WNK2: variants seen among roughly 807,000 people sequenced by gnomAD.
WNK2 encodes WNK lysine deficient protein kinase 2, also known as serine/threonine-protein kinase WNK2.
WNK2 carries 67 observed loss-of-function variants against 192.1 expected under a neutral mutation model. The observed-to-expected ratio is 0.35, with a 90% CI of 0.29 to 0.43. WNK2 has a LOEUF of 0.43. WNK2 is among the 20% of genes least tolerant of loss of function. WNK2 has a pLI of 1.00. For missense variants in WNK2, 2,698 were observed against 3,089.7 expected (o/e 0.87, Z 3.01); for synonymous variants, 1,439 against 1,393.9 (o/e 1.03, Z -0.72).
Position 93,267,870 on chromosome 9 carries a change from G to C in WNK2, c.3821G>C (p.Gly1274Ala). ...GACGCCGACCGTGGCTCCGACCCAG[G>C]GACCAGCCCGCCACACCTCAGCACC... ...DTDADRGSDP[G>A]TSPPHLSTCG... The change falls in exon 17 of 30, where the codon GGG (glycine) becomes GCG (alanine). Residue 1274 changes from glycine (G) to alanine (A), a missense_variant. Gly to Ala is a moderately conservative substitution (Grantham distance 60). This residue lies in a region of WNK2 where 1,098 missense variants were observed against 1,101.0 expected (regional missense o/e 1.00). Coordinates refer to ENST00000427277, the MANE Select transcript of WNK2 (RefSeq NM_006648.4). The C allele has an allele frequency of 6.2e-7, 1 of 1,610,414 alleles. No individual in the cohort carries two copies. Among genetic ancestry groups the C allele is most frequent in the Non-Finnish European group, 8.5e-7 (1 of 1,178,714 alleles).
Position 93,292,295 on chromosome 9 carries a change from G to A in WNK2, c.4937-13G>A. On this transcript the variant is annotated splice_polypyrimidine_tract_variant and intron_variant, in intron 21 of 29. Transcript: ENST00000427277. ...CTCCTTCAGCCCCAGTAACGTTTCT[G>A]ATGTTCCCATAGCAGAGTCGTCTCC... 1 of 1,613,702 alleles carries A rather than the reference G, an allele frequency of 6.2e-7. No homozygotes were observed. Among genetic ancestry groups the A allele is most frequent in the Non-Finnish European group, 8.5e-7 (1 of 1,179,774 alleles).
At chr9:93,294,611 T>G (rs1849942671) in intron 23 of WNK2, among the ~76,000 whole-genome samples, 1 of 151,894 alleles carries the variant, frequency 6.6e-6, no homozygotes, top group South Asian at 2.1e-4. Context: ...AAGAGAAGCT[T>G]GTAGGGGGCA....
chr9:93,289,030 C>T lies in WNK2; in HGVS notation c.4276C>T (p.Leu1426=), dbSNP rs1333029755. The change falls in exon 20 of 30, where the codon CTG becomes TTG. Residue 1426 remains leucine (L), a synonymous_variant. Coordinates refer to ENST00000427277, the MANE Select transcript of WNK2 (RefSeq NM_006648.4). Reference sequence around the variant, plus strand: ...AGGGGGTCCAGGGACACCTCAGGGGCTGACCAGTGAGCTCGAGACGTCTCA... The same window carrying T: ...AGGGGGTCCAGGGACACCTCAGGGGTTGACCAGTGAGCTCGAGACGTCTCA... ...QAGGPGTPQG[L]TSELETSQPL... 1 of 1,604,534 alleles carries T rather than the reference C, an allele frequency of 6.2e-7. No individual in the cohort carries two copies. Among genetic ancestry groups the T allele is most frequent in the Admixed American group, 1.7e-5 (1 of 59,094 alleles).
chr9:93,213,845 G>A (rs1414906694), intron 2 of WNK2, among the ~76,000 whole-genome samples: 1 of 152,152 alleles, frequency 6.6e-6, no homozygotes, highest in Non-Finnish European at 1.5e-5. Context: ...ATTACAACAT[G>A]TATCCAAAGT....
chr9:93,230,440 G>C (rs1487606522), intron 3 of WNK2, among the ~76,000 whole-genome samples: 2 of 152,206 alleles, frequency 1.3e-5, no homozygotes, highest in Non-Finnish European at 2.9e-5. Flanking sequence ...CCAGGGCACA[G>C]CTCAGGGCAG....
intron 10 of WNK2, 37 bp from the exon 11 acceptor site, chr9:93,256,911 T>G (rs754753143): frequency 6.6e-7 from 1 of 1,519,404 alleles, no homozygotes; most frequent in African/African-American, 1.4e-5. Flanking sequence ...TCTGGGCAGA[T>G]TGGTGGTCTA....
chr9:93,279,321 A>G (rs1001199276), intron 19 of WNK2, among the ~76,000 whole-genome samples: 2 of 152,256 alleles, frequency 1.3e-5, no homozygotes, highest in Non-Finnish European at 2.9e-5. Flanking sequence ...AACAACAATC[A>G]AAGATTGAAA....
In WNK2 at chr9:93,317,583, A is replaced by G. The variant is rs747311181; in HGVS notation, c.6580A>G (p.Thr2194Ala). ...GCCCCCAGCGCCCGGCCCTCTGTCC[A>G]CCACGGTCATTCCCGGAGCCGCCCC... ...RLPPAPGPLS[T>A]TVIPGAAPTL... The change falls in exon 29 of 30, where the codon ACC (threonine) becomes GCC (alanine). Residue 2194 changes from threonine to alanine, a missense_variant. Physicochemically the swap from Thr to Ala is moderately conservative, Grantham distance 58. Transcript: ENST00000427277. The G allele has an allele frequency of 6.2e-7, 1 of 1,613,342 alleles. No homozygotes were observed. Among genetic ancestry groups the G allele is most frequent in the Non-Finnish European group, 8.5e-7 (1 of 1,179,872 alleles).
chr9:93,192,049 C>G, intron 2 of WNK2, among the ~76,000 whole-genome samples: 1 of 149,152 alleles, frequency 6.7e-6, no homozygotes, highest in Non-Finnish European at 1.5e-5. Flanking sequence ...GGCGTGGTGG[C>G]TCATGCCTGT....
In WNK2 at chr9:93,264,124, C is replaced by A. The variant is rs549891648; in HGVS notation, c.3696+91C>A. 51 of 1,022,246 alleles carry A rather than the reference C, an allele frequency of 5.0e-5. No homozygotes were observed. In the African/African-American group the frequency reaches 7.3e-4, roughly 15 times the overall value. 63.3% of individuals were successfully genotyped at this position (1,022,246 alleles called of 1,614,324 possible). ...GCCACAGGTCACATGTCGAGCCTGG[C>A]CTTGTGTGGAGGTGTCGGTTGGCCC... On this transcript the variant is annotated intron_variant, in intron 16 of 29. Transcript: ENST00000427277.
intron 29 of WNK2, among the ~76,000 whole-genome samples, chr9:93,320,152 AGT>A (rs1401236418): frequency 6.6e-6 from 1 of 152,232 alleles, no homozygotes; most frequent in Admixed American, 6.5e-5. Context: ...GCAGCCGTTC[AGT>A]GTGCTGACTG....
intron 2 of WNK2, among the ~76,000 whole-genome samples, chr9:93,207,770 G>A (rs990697453): frequency 1.3e-5 from 2 of 152,232 alleles, no homozygotes; most frequent in Non-Finnish European, 1.5e-5. Flanking sequence ...CGGCACCCAC[G>A]CCCTCTCCAG....
chr9:93,280,849 G>T (rs1158228362), intron 19 of WNK2, among the ~76,000 whole-genome samples: 3 of 152,130 alleles, frequency 2.0e-5, no homozygotes, highest in Non-Finnish European at 4.4e-5. Context: ...ACATGCTTTT[G>T]TGAAACACTT....
At chr9:93,233,701 C>CAA (rs34665591) in intron 4 of WNK2, among the ~76,000 whole-genome samples, 1,054 of 99,676 alleles carry the variant, frequency 0.011, 25 homozygotes, top group East Asian at 0.033. Context: ...GATTCCGTCT[C>CAA]AAAAAAAAAA....
chr9:93,289,095 G>T lies in WNK2; in HGVS notation c.4341G>T (p.Gln1447His). The change falls in exon 20 of 30, where the codon CAG becomes CAT. Residue 1447 changes from glutamine to histidine, a missense_variant. Physicochemically the swap from Gln to His is conservative, Grantham distance 24. Around this residue, in one of 7 missense-constraint regions of WNK2, gnomAD observed 1,098 missense variants for 1,101.0 expected, o/e 1.00. Coordinates refer to ENST00000427277, the MANE Select transcript of WNK2 (RefSeq NM_006648.4). ...CTCACGAGGCCCCGCTTGCTGTGCA[G>T]CCCCTCGTGGTGGGCCTAGCACCTT... ...AETHEAPLAV[Q>H]PLVVGLAPCT... 6.2e-7 allele frequency: 1 copy of T among 1,608,264 alleles called. No homozygotes were observed.
Position 93,239,998 on chromosome 9 carries a change from T to C in WNK2, c.1542+22T>C. 3.8e-6 allele frequency: 6 copies of C among 1,598,730 alleles called. No individual in the cohort carries two copies. Among genetic ancestry groups the C allele is most frequent in the Non-Finnish European group, 5.1e-6 (6 of 1,172,692 alleles). On this transcript the variant is annotated intron_variant, in intron 7 of 29. Coordinates refer to ENST00000427277, the MANE Select transcript of WNK2 (RefSeq NM_006648.4). This position sits in a 1 kb window ranked among gnomAD's most constrained non-coding sequence, Gnocchi z 4.2. ...GATGGTAAGCAGGACTCAGATGGGG[T>C]GAGGTGGGTGCAGGTGTTGGCAGCT...
At chr9:93,224,573 G>C (rs997860885) in intron 2 of WNK2, among the ~76,000 whole-genome samples, 3 of 152,202 alleles carry the variant, frequency 2.0e-5, no homozygotes, top group Non-Finnish European at 4.4e-5. Flanking sequence ...GGAGGGTGCT[G>C]TCCTGCCTTG....
chr9:93,211,833 T>C (rs1369950616), intron 2 of WNK2, among the ~76,000 whole-genome samples: 1 of 151,166 alleles, frequency 6.6e-6, no homozygotes, highest in Non-Finnish European at 1.5e-5. Flanking sequence ...ACTCATCTAC[T>C]CCTCGCTCAC....
intron 4 of WNK2, among the ~76,000 whole-genome samples, chr9:93,232,482 AT>A (rs1838992910): frequency 1.3e-5 from 2 of 152,144 alleles, no homozygotes; most frequent in African/African-American, 4.8e-5. Flanking sequence ...TTCTGGGCAG[AT>A]TTTGCAAATT....
Sources: gnomAD v4.1 joint callset for allele counts (sites outside exome capture counted in the v4.1 genomes callset) on GRCh38, gnomAD v4.1.1 for gene constraint, gnomAD v4.1.1 regional missense constraint, Gnocchi (gnomAD v3.1) non-coding constraint, MANE v1.5 for transcripts, NCBI Gene and HGNC (gene_info 2026-07-23, HGNC 2026-07-21) for gene names.